The following HMCN1 variants were observed in gnomAD, a reference collection of about 807,000 sequenced individuals.
HMCN1 encodes hemicentin-1.
A neutral mutation model predicts 625.9 loss-of-function variants in HMCN1; 321 were observed. The ratio of observed to expected loss-of-function variants is 0.51; its 90% confidence interval spans 0.47 to 0.56. HMCN1 has a LOEUF of 0.56. Ranked by LOEUF, HMCN1 falls within the 20% of genes least tolerant of loss-of-function variation. The probability of loss-of-function intolerance (pLI) is 0.00; values close to 1 mark genes in which losing one functional copy is unlikely to be tolerated. For missense variants in HMCN1, 6,588 were observed against 6,887.3 expected (o/e 0.96, Z 1.54); for synonymous variants, 2,425 against 2,417.6 (o/e 1.00, Z -0.09).
chr1:185,890,522 G>T (rs543008933), intron 4 of HMCN1, among the ~76,000 whole-genome samples: 11 of 139,804 alleles, frequency 7.9e-5, no homozygotes, highest in Non-Finnish European at 1.5e-4. Flanking sequence ...CTTTGTTCTC[G>T]TTGGTTTCAA....
intron 83 of HMCN1, among the ~76,000 whole-genome samples, chr1:186,128,752 CTG>C (rs1337052240): frequency 3.3e-5 from 5 of 151,660 alleles, no homozygotes; most frequent in African/African-American, 1.2e-4. Context: ...TTTCTAGTCA[CTG>C]TGTATACTAC....
chr1:186,069,350 G>A (rs543913554), intron 50 of HMCN1, among the ~76,000 whole-genome samples: 1 of 152,218 alleles, frequency 6.6e-6, no homozygotes, highest in Admixed American at 6.5e-5. Flanking sequence ...AGATGATTAA[G>A]GCAGAAACCT....
In HMCN1 at chr1:186,100,038, G is replaced by T. The variant is rs940866134; in HGVS notation, c.10574-3434G>T. Among the ~76,000 whole-genome samples, 5 of 152,004 alleles carry T rather than the reference G, an allele frequency of 3.3e-5. No homozygotes were observed. In the East Asian group the frequency reaches 9.7e-4, roughly 29 times the overall value. The stretch of plus-strand genomic sequence containing the variant: ...GTATTCATACAGCCTGTAAATGCAG[G>T]GGCCTGGTCTAGCATGTGGCAGGGG... On this transcript the variant is annotated intron_variant, in intron 68 of 106. Coordinates refer to ENST00000271588, the MANE Select transcript of HMCN1 (RefSeq NM_031935.3).
At position 185,858,586 on chromosome 1, in the gene HMCN1, A is replaced by ATTTTTTTTTTTT. The variant is rs71101980; in HGVS notation, c.340-5848_340-5837dup. Among the ~76,000 whole-genome samples the ATTTTTTTTTTTT allele has an allele frequency of 5.8e-5, 2 of 34,748 alleles. 1 individual carries two copies. The highest frequency in any genetic ancestry group is 1.1e-4 in the Non-Finnish European group (2 of 17,942). The allele number at this position is 34,748 out of a possible 152,430, so 22.8% of individuals were successfully genotyped here. On this transcript the variant is annotated intron_variant, in intron 2 of 106. Transcript: ENST00000271588. Reference sequence around the variant, plus strand: ...GCCTATATGCCACCACACCCAGCTAATTTTTTTTTTTTTTTTTTTTTTTTT... The same window carrying ATTTTTTTTTTTT: ...GCCTATATGCCACCACACCCAGCTAATTTTTTTTTTTTTTTTTTTTTTTTTTTTTTTTTTTTT...
intron 1 of HMCN1, among the ~76,000 whole-genome samples, chr1:185,816,158 A>G (rs1304084717): frequency 1.4e-5 from 2 of 140,476 alleles, no homozygotes; most frequent in African/African-American, 6.5e-5. Flanking sequence ...CTCACTCACT[A>G]TCTGGTCAGA....
Position 185,962,645 on chromosome 1 carries a change from CGT to C in HMCN1, c.1958_1959del (p.Val653GlyfsTer6), listed in dbSNP as rs1558098423. ...IAWTVNDMFI[V>X]GSHRYRMTSD... ...CCTGGACCGTTAACGATATGTTTAT[CGT>C]GGGTTCACACAGGTACTGGGTTTGT... On this transcript the variant is annotated frameshift_variant, in exon 12 of 107. Coordinates refer to ENST00000271588, the MANE Select transcript of HMCN1 (RefSeq NM_031935.3). LOFTEE classifies it high-confidence loss of function. The C allele has an allele frequency of 6.3e-7, 1 of 1,578,388 alleles. No homozygotes were observed. The highest frequency in any genetic ancestry group is 8.7e-7 in the Non-Finnish European group (1 of 1,147,364).
intron 2 of HMCN1, among the ~76,000 whole-genome samples, chr1:185,854,525 A>T (rs1360691616): frequency 1.3e-5 from 2 of 152,144 alleles, no homozygotes; most frequent in East Asian, 3.9e-4. Flanking sequence ...CTGGAGGCTG[A>T]TATCAGCTTT....
At chr1:185,760,180 G>A (rs748816873) in intron 1 of HMCN1, among the ~76,000 whole-genome samples, 3 of 152,154 alleles carry the variant, frequency 2.0e-5, no homozygotes, top group Non-Finnish European at 4.4e-5. Context: ...GAGTTAGGGT[G>A]CAAAGTTGTA....
chr1:186,152,617 A>C, intron 95 of HMCN1, 133 bp from the exon 96 acceptor site: 1 of 1,024,432 alleles, frequency 9.8e-7, no homozygotes, highest in Non-Finnish European at 1.5e-6. Flanking sequence ...GTGCTATTTC[A>C]GTTCTCATCA....
At chr1:185,767,204 G>T (rs1655933989) in intron 1 of HMCN1, among the ~76,000 whole-genome samples, 1 of 152,058 alleles carries the variant, frequency 6.6e-6, no homozygotes, top group Non-Finnish European at 1.5e-5. Flanking sequence ...ATATATAAAG[G>T]TAATTTAAAG....
At chr1:186,112,223 C>T (rs1476419274) in intron 71 of HMCN1, among the ~76,000 whole-genome samples, 2 of 152,004 alleles carry the variant, frequency 1.3e-5, no homozygotes, top group African/African-American at 2.4e-5. Context: ...ATGTTTTCCT[C>T]TAAGTTAACC....
Position 185,909,375 on chromosome 1 carries a change from A to T in HMCN1, c.660A>T (p.Lys220Asn), listed in dbSNP as rs1254810217. 1.2e-6 allele frequency: 2 copies of T among 1,613,168 alleles called. No homozygotes were observed. Among genetic ancestry groups the T allele is most frequent in the African/African-American group, 2.7e-5 (2 of 74,888 alleles). Residue 220 changes from lysine to asparagine, a missense_variant, in exon 5 of 107, where the codon AAA (lysine) becomes AAT (asparagine). Lys to Asn is a moderately conservative substitution (Grantham distance 94). Around this residue, in one of 3 missense-constraint regions of HMCN1, gnomAD observed 4,628 missense variants for 4,853.1 expected, o/e 0.95. Transcript: ENST00000271588. The part of the protein sequence containing the change: ...KWVEEAVQAS[K>N]VHLLSTDHLE... ...TAGAAGAAGCAGTACAGGCCTCCAA[A>T]GTTCACCTTTTATCCACAGATCATT...
At chr1:186,187,520 A>C (rs1245642090) in intron 105 of HMCN1, among the ~76,000 whole-genome samples, 1 of 152,206 alleles carries the variant, frequency 6.6e-6, no homozygotes, top group African/African-American at 2.4e-5. Context: ...AATGTCCTTT[A>C]AATTTTTGGC....
chr1:185,981,125 CT>C, intron 17 of HMCN1, 52 bp downstream of exon 17: 1 of 1,058,364 alleles, frequency 9.4e-7, no homozygotes, highest in Non-Finnish European at 1.5e-6. Flanking sequence ...CATCAGACTT[CT>C]TTTACTATGT....
intron 2 of HMCN1, among the ~76,000 whole-genome samples, chr1:185,852,358 A>T (rs745492899): frequency 6.6e-6 from 1 of 152,008 alleles, no homozygotes; most frequent in African/African-American, 2.4e-5. Context: ...ATTTTAAAAA[A>T]ACATATATGG....
intron 15 of HMCN1, among the ~76,000 whole-genome samples, chr1:185,971,668 C>T (rs1650845181): frequency 6.6e-6 from 1 of 152,088 alleles, no homozygotes; most frequent in South Asian, 2.1e-4. Context: ...TTTAGTTCCA[C>T]TGTTTTAAGT....
Position 186,076,564 on chromosome 1 carries a change from G to A in HMCN1, c.8427G>A (p.Leu2809=). ...CAAATGCTGCTCCCCCTCCTACACTGACATGGTACAAAGATGGCCACCCTC... is the reference window on the plus strand; with the variant it reads ...CAAATGCTGCTCCCCCTCCTACACTAACATGGTACAAAGATGGCCACCCTC... The part of the protein sequence containing the change: ...CETNAAPPPT[L]TWYKDGHPLT... Residue 2809 remains leucine (L), a synonymous_variant, in exon 54 of 107, where the codon CTG becomes CTA. Coordinates refer to ENST00000271588, the MANE Select transcript of HMCN1 (RefSeq NM_031935.3). 2.5e-6 allele frequency: 4 copies of A among 1,613,752 alleles called. No homozygotes were observed. The highest frequency in any genetic ancestry group is 3.4e-6 in the Non-Finnish European group (4 of 1,179,814).
At position 186,112,955 on chromosome 1, in the gene HMCN1, T is replaced by A; in HGVS notation, c.11131+2T>A. ...GAGAATTTATTCTCACTGTAAATGG[T>A]AAGAAAAGGTATTCATTGTTCCACA... On this transcript the variant is annotated splice_donor_variant, in intron 72 of 106. Coordinates refer to ENST00000271588, the MANE Select transcript of HMCN1 (RefSeq NM_031935.3). LOFTEE classifies it high-confidence loss of function. 1 of 1,613,892 alleles carries A rather than the reference T, an allele frequency of 6.2e-7. No individual in the cohort carries two copies. Among genetic ancestry groups the A allele is most frequent in the Non-Finnish European group, 8.5e-7 (1 of 1,179,936 alleles).
chr1:186,137,836 A>G lies in HMCN1; in HGVS notation c.13788A>G (p.Glu4596=). 1 of 1,614,096 alleles carries G rather than the reference A, an allele frequency of 6.2e-7. No homozygotes were observed. The highest frequency in any genetic ancestry group is 8.5e-7 in the Non-Finnish European group (1 of 1,179,974). ...DGSWSEWSLW[E]ECTRSCGRGN... Reference sequence around the variant, plus strand: ...GCTGGTCGGAATGGAGTCTTTGGGAAGAATGCACAAGGAGCTGTGGACGCG... The same window carrying G: ...GCTGGTCGGAATGGAGTCTTTGGGAGGAATGCACAAGGAGCTGTGGACGCG... Residue 4596 remains glutamate (E), a synonymous_variant, in exon 89 of 107, where the codon GAA becomes GAG. Transcript: ENST00000271588.
Sources: gnomAD v4.1 joint callset for allele counts (sites outside exome capture counted in the v4.1 genomes callset) on GRCh38, gnomAD v4.1.1 for gene constraint, gnomAD v4.1.1 regional missense constraint, MANE v1.5 for transcripts, NCBI Gene and HGNC (gene_info 2026-07-23, HGNC 2026-07-21) for gene names.